Variants in SCN1A observed in about 807,000 individuals in gnomAD.
SCN1A encodes the protein sodium channel protein type 1 subunit alpha.
Under a neutral mutation model 193.7 loss-of-function variants are expected in SCN1A, and 13 were observed. The observed-to-expected ratio is 0.07, with a 90% confidence interval of 0.04 to 0.11. SCN1A has a LOEUF of 0.11. Among genes scored for constraint, SCN1A ranks in the 10% least tolerant of loss-of-function variants. The probability of loss-of-function intolerance (pLI) is 1.00; values close to 1 mark genes in which losing one functional copy is unlikely to be tolerated. For missense variants in SCN1A, 1,432 were observed against 2,451.1 expected (o/e 0.58, Z 8.78); for synonymous variants, 781 against 843.6 (o/e 0.93, Z 1.29).
intron 5 of SCN1A, among the ~76,000 whole-genome samples, chr2:166,057,327 C>G (rs1699230334): frequency 6.6e-6 from 1 of 151,786 alleles, no homozygotes; most frequent in Admixed American, 6.6e-5. Context: ...GTAGCTAAAA[C>G]AAATGAACAG....
chr2:166,067,388 C>A (rs1683955008), intron 4 of SCN1A, among the ~76,000 whole-genome samples: 2 of 151,916 alleles, frequency 1.3e-5, no homozygotes, highest in Admixed American at 6.6e-5. Context: ...GCCTGGGAGA[C>A]CAGAATCACA....
chr2:166,073,046 G>A (rs1684617204), intron 4 of SCN1A, among the ~76,000 whole-genome samples: 1 of 151,906 alleles, frequency 6.6e-6, no homozygotes, highest in Non-Finnish European at 1.5e-5. Context: ...CACCATGTTG[G>A]CCAGGATGGT....
At position 166,002,912 on chromosome 2, in the gene SCN1A, A is replaced by AT. The variant is rs139683811; in HGVS notation, c.4003-160dup. The AT allele has an allele frequency of 0.012, 6,747 of 574,058 alleles. 211 individuals carry two copies. Among genetic ancestry groups the AT allele is most frequent in the African/African-American group, 0.091 (4,727 of 51,746 alleles). The allele number at this position is 574,058 out of a possible 1,614,324, so 35.6% of individuals were successfully genotyped here. A position where few individuals can be genotyped will look rare whatever the true frequency, so the allele number is the denominator to read the frequency against. On this transcript the variant is annotated intron_variant, in intron 23 of 28. Coordinates refer to ENST00000674923, the MANE Select transcript of SCN1A (RefSeq NM_001165963.4). ...AAGGTTCAAAAAAATCTTAAAATTC[A>AT]TTTTTTTTTCTTAAGCAATACACTT...
chr2:165,992,556 T>A lies in SCN1A; in HGVS notation c.4853-134A>T. On this transcript the variant is annotated intron_variant, in intron 28 of 28. Transcript: ENST00000674923. The surrounding 1 kb of genome is among the most constrained non-coding windows in gnomAD (Gnocchi z 6.5). Reference sequence around the variant, plus strand: ...TATTAAATATGACAACTATATATAATATATATATAATTGTACATAATATAT... The same window carrying A: ...TATTAAATATGACAACTATATATAAAATATATATAATTGTACATAATATAT... 3.4e-6 allele frequency: 2 copies of A among 581,552 alleles called. No individual in the cohort carries two copies. Among genetic ancestry groups the A allele is most frequent in the Admixed American group, 6.4e-5 (2 of 31,148 alleles). The allele number at this position is 581,552 out of a possible 1,614,324, so 36.0% of individuals were successfully genotyped here.
intron 19 of SCN1A, among the ~76,000 whole-genome samples, chr2:166,022,501 T>C (rs1238803648): frequency 6.6e-6 from 1 of 152,212 alleles, no homozygotes; most frequent in Non-Finnish European, 1.5e-5. Flanking sequence ...GAATGACATG[T>C]AAGAATCTCT....
chr2:166,013,506 T>A (rs964676160), intron 21 of SCN1A, among the ~76,000 whole-genome samples: 2 of 151,514 alleles, frequency 1.3e-5, no homozygotes, highest in African/African-American at 4.8e-5. Context: ...GGGCTACACT[T>A]TCTGGGCTAT....
At chr2:166,050,071 T>G (rs901697543) in intron 9 of SCN1A, among the ~76,000 whole-genome samples, 2 of 151,996 alleles carry the variant, frequency 1.3e-5, no homozygotes, top group Non-Finnish European at 2.9e-5. Context: ...TCTGACTTCC[T>G]TGAACCTAGA....
At chr2:166,010,309 C>T (rs528948246) in intron 22 of SCN1A, among the ~76,000 whole-genome samples, 75 of 151,272 alleles carry the variant, frequency 5.0e-4, no homozygotes, top group Non-Finnish European at 8.9e-4. Flanking sequence ...TTGGTATTCT[C>T]AGAAATTAAT....
chr2:166,029,059 G>C (rs917717629), intron 19 of SCN1A, among the ~76,000 whole-genome samples: 1 of 152,122 alleles, frequency 6.6e-6, no homozygotes, highest in Non-Finnish European at 1.5e-5. Context: ...AACTGATAAA[G>C]CATAGGGAAT....
chr2:166,112,017 T>C (rs1000438493), intron 2 of SCN1A, among the ~76,000 whole-genome samples: 2 of 152,160 alleles, frequency 1.3e-5, no homozygotes, highest in South Asian at 2.1e-4. Context: ...GCTGAGGACA[T>C]TGTTGAAATG....
intron 5 of SCN1A, among the ~76,000 whole-genome samples, chr2:166,058,346 A>G (rs930837000): frequency 1.3e-5 from 2 of 152,006 alleles, no homozygotes; most frequent in African/African-American, 2.4e-5. Context: ...AAAGTACATA[A>G]ATACATGTTT....
chr2:166,089,456 A>G (rs913960557), intron 2 of SCN1A, among the ~76,000 whole-genome samples: 1 of 152,150 alleles, frequency 6.6e-6, no homozygotes, highest in Non-Finnish European at 1.5e-5. Flanking sequence ...CTGGGAGTAC[A>G]TGAGTCGTTT....
chr2:166,039,722 T>C (rs988781587), intron 16 of SCN1A, 126 bp from the exon 17 acceptor site: 1 of 836,700 alleles, frequency 1.2e-6, no homozygotes, highest in Admixed American at 2.4e-5. Context: ...TAAATTTGTA[T>C]GGCAATTTGT....
rs566112771 is a variant in SCN1A at position 166,088,081 on chromosome 2, TG to T, written c.-141-10281del. 7.6e-3 allele frequency among the ~76,000 whole-genome samples: 1,157 copies of T among 151,860 alleles called. 14 individuals carry two copies. Among genetic ancestry groups the T allele is most frequent in the African/African-American group, 0.026 (1,098 of 41,446 alleles). ...TTGTGTGTGTGTGTGTGTGTGTGTGTGTGTAAGGGTATGAGCTACAACACAA... is the reference window on the plus strand; with the variant it reads ...TTGTGTGTGTGTGTGTGTGTGTGTGTTGTAAGGGTATGAGCTACAACACAA... On this transcript the variant is annotated intron_variant, in intron 2 of 28. Transcript: ENST00000674923.
intron 19 of SCN1A, among the ~76,000 whole-genome samples, chr2:166,032,585 G>A (rs924295479): frequency 2.0e-5 from 3 of 152,092 alleles, no homozygotes; most frequent in Non-Finnish European, 4.4e-5. Context: ...GAATTGTGAA[G>A]TAAAAGTGCC....
intron 1 of SCN1A, among the ~76,000 whole-genome samples, chr2:166,142,894 A>G (rs1692149333): frequency 6.6e-6 from 1 of 152,160 alleles, no homozygotes; most frequent in Admixed American, 6.5e-5. Flanking sequence ...TCTCCTGCAC[A>G]AGCTCTCTTG....
chr2:166,057,647 C>A (rs1699265264), intron 5 of SCN1A, among the ~76,000 whole-genome samples: 1 of 151,754 alleles, frequency 6.6e-6, no homozygotes, highest in Admixed American at 6.6e-5. Context: ...TGTTTCAAAT[C>A]TTTTAATTTT....
chr2:166,074,470 C>CT (rs76028116), intron 3 of SCN1A, among the ~76,000 whole-genome samples: 2 of 109,072 alleles, frequency 1.8e-5, no homozygotes, highest in African/African-American at 9.3e-5. Flanking sequence ...TCAATAGAAA[C>CT]TAAGTGTTTT....
Position 166,013,801 on chromosome 2 carries a change from T to C in SCN1A, c.3648A>G (p.Glu1216=), listed in dbSNP as rs1692872065. 1.2e-6 allele frequency: 2 copies of C among 1,612,288 alleles called. No individual in the cohort carries two copies. The highest frequency in any genetic ancestry group is 2.2e-5 in the South Asian group (2 of 91,054). The part of the protein sequence containing the change: ...NLRRTCFRIV[E]HNWFETFIVF... ...CAATGAAGGTCTCAAACCAGTTATG[T>C]TCAACTATTCGGAAACACGTCCTTC... The change falls in exon 21 of 29, where the codon GAA becomes GAG. Residue 1216 remains glutamate, a synonymous_variant. Coordinates refer to ENST00000674923, the MANE Select transcript of SCN1A (RefSeq NM_001165963.4).
Sources: allele counts gnomAD v4.1 joint callset (sites outside exome capture counted in the v4.1 genomes callset), GRCh38; gene constraint gnomAD v4.1.1; non-coding constraint Gnocchi (gnomAD v3.1); transcripts MANE v1.5; gene names NCBI Gene and HGNC (gene_info 2026-07-23, HGNC 2026-07-21).